Variants in PIK3C2G observed in about 807,000 individuals in gnomAD.
PIK3C2G encodes the protein phosphatidylinositol-4-phosphate 3-kinase catalytic subunit type 2 gamma, also known as phosphatidylinositol 3-kinase C2 domain-containing subunit gamma.
A neutral mutation model predicts 181.1 loss-of-function variants in PIK3C2G; 168 were observed. The observed-to-expected ratio is 0.93, with a 90% confidence interval of 0.82 to 1.05. The LOEUF (loss-of-function observed/expected upper bound fraction) is 1.05, where lower values mean the gene tolerates loss of function less well. Among genes scored for constraint, PIK3C2G ranks in the 50% least tolerant of loss-of-function variants. The probability of loss-of-function intolerance (pLI) is 0.00; values close to 1 mark genes in which losing one functional copy is unlikely to be tolerated. For missense variants in PIK3C2G, 1,869 were observed against 1,732.8 expected (o/e 1.08, Z -1.40); for synonymous variants, 573 against 592.2 (o/e 0.97, Z 0.47).
rs149031859 is a variant in PIK3C2G, at chr12:18,531,913, A to G, written c.3324-6243A>G. 5.5e-3 allele frequency among the ~76,000 whole-genome samples: 843 copies of G among 152,228 alleles called. 3 individuals are homozygous for G. Among genetic ancestry groups the G allele is most frequent in the African/African-American group, 0.02 (819 of 41,564 alleles). On this transcript the variant is annotated intron_variant, in intron 24 of 32. Coordinates refer to ENST00000538779, the MANE Select transcript of PIK3C2G (RefSeq NM_001288772.2). ...TCCAAAAGTATAATTTCTGGGTTGTATGGTAGTTGTATCTTGTTGTTGTTT... is the reference window on the plus strand; with the variant it reads ...TCCAAAAGTATAATTTCTGGGTTGTGTGGTAGTTGTATCTTGTTGTTGTTT...
intron 18 of PIK3C2G, among the ~76,000 whole-genome samples, chr12:18,437,484 A>G (rs1946511044): frequency 6.6e-6 from 1 of 152,002 alleles, no homozygotes; most frequent in Non-Finnish European, 1.5e-5. Context: ...GTGACTCTTT[A>G]GACTTGACAG....
downstream of PIK3C2G, among the ~76,000 whole-genome samples, chr12:18,650,878 CATCCTTGGCCT>C (rs2136891245): frequency 6.6e-6 from 1 of 151,400 alleles, no homozygotes; most frequent in East Asian, 2.0e-4. Flanking sequence ...TTACTGCTAT[CATCCTTGGCCT>C]GGATTATATA....
upstream of PIK3C2G, among the ~76,000 whole-genome samples, chr12:18,244,643 C>T (rs1365310392): frequency 7.8e-6 from 1 of 128,940 alleles, no homozygotes; most frequent in Non-Finnish European, 1.7e-5. Flanking sequence ...AATTTCCAGC[C>T]ATTATTTAAT....
At chr12:18,456,430 T>C (rs1239580754) in intron 18 of PIK3C2G, among the ~76,000 whole-genome samples, 2 of 152,086 alleles carry the variant, frequency 1.3e-5, no homozygotes, top group African/African-American at 2.4e-5. Context: ...GGTCTTCCAG[T>C]TTCATGGTGA....
chr12:18,549,806 G>A (rs905960072), intron 26 of PIK3C2G, among the ~76,000 whole-genome samples: 1 of 151,950 alleles, frequency 6.6e-6, no homozygotes, highest in Non-Finnish European at 1.5e-5. Flanking sequence ...TGGATATTTG[G>A]TTCCAGATCT....
the PIK3C2G span, among the ~76,000 whole-genome samples, chr12:18,680,944 G>A: frequency 6.6e-6 from 1 of 152,010 alleles, no homozygotes; most frequent in African/African-American, 2.4e-5. Flanking sequence ...GCGATACTTG[G>A]TAATAAATTA....
At chr12:18,693,467 G>C in the PIK3C2G span, 4 of 1,606,898 alleles carry the variant, frequency 2.5e-6, no homozygotes, top group Admixed American at 3.3e-5. Flanking sequence ...ACCTGGCACA[G>C]GTAAAACCTT....
chr12:18,576,534 A>G (rs1453315980), intron 29 of PIK3C2G, among the ~76,000 whole-genome samples: 1 of 152,254 alleles, frequency 6.6e-6, no homozygotes, highest in Non-Finnish European at 1.5e-5. Flanking sequence ...TAATAATATT[A>G]GTAGTAGGAG....
At chr12:18,576,437 T>C (rs1170355312) in intron 29 of PIK3C2G, among the ~76,000 whole-genome samples, 2 of 152,180 alleles carry the variant, frequency 1.3e-5, no homozygotes, top group Non-Finnish European at 2.9e-5. Context: ...ACATTTGTAA[T>C]GTATCTGTTA....
At chr12:18,650,831 A>G (rs1339253510), downstream of PIK3C2G, among the ~76,000 whole-genome samples, 4 of 147,594 alleles carry the variant, frequency 2.7e-5, no homozygotes, top group African/African-American at 9.9e-5. Flanking sequence ...ATCACCAACC[A>G]CTTATCACTC....
chr12:18,614,533 G>A (rs991667293), intron 31 of PIK3C2G, among the ~76,000 whole-genome samples: 3 of 151,970 alleles, frequency 2.0e-5, no homozygotes. Context: ...TAAACTACTT[G>A]GACAGCACTA....
intron 31 of PIK3C2G, among the ~76,000 whole-genome samples, chr12:18,637,187 G>T (rs1949640961): frequency 6.6e-6 from 1 of 152,092 alleles, no homozygotes; most frequent in African/African-American, 2.4e-5. Context: ...CTAGTGCACA[G>T]TTTTCCTCGT....
At chr12:18,426,040 A>T (rs137938711) in intron 18 of PIK3C2G, among the ~76,000 whole-genome samples, 1 of 152,326 alleles carries the variant, frequency 6.6e-6, no homozygotes, top group African/African-American at 2.4e-5. Context: ...CATCACTACA[A>T]CCTTGAATTT....
rs1266351862 is a variant in PIK3C2G, at chr12:18,321,171, C to T, written c.1208+139C>T. 3 of 563,126 alleles carry T rather than the reference C, an allele frequency of 5.3e-6. No homozygotes were observed. The African/African-American group carries it at 5.8e-5, about 11-fold the overall frequency. 34.9% of individuals were successfully genotyped at this position (563,126 alleles called of 1,614,324 possible). A position where few individuals can be genotyped will look rare whatever the true frequency, so the allele number is the denominator to read the frequency against. The stretch of plus-strand genomic sequence containing the variant: ...CTATTGTACTTTTAACAGGCAAATT[C>T]TGTTAATAATTATCCATTCTTCAAA... On this transcript the variant is annotated intron_variant, in intron 7 of 32. Transcript: ENST00000538779.
chr12:18,270,625 TTTACTC>T (rs925414821), intron 1 of PIK3C2G, among the ~76,000 whole-genome samples: 1 of 152,152 alleles, frequency 6.6e-6, no homozygotes, highest in Admixed American at 6.5e-5. Context: ...GATTTATAGT[TTTACTC>T]TAATTCTAGA....
rs1944743339 is a variant in PIK3C2G, at chr12:18,551,790, A to G, written c.3590+5358A>G. On this transcript the variant is annotated intron_variant, in intron 26 of 32. Coordinates refer to ENST00000538779, the MANE Select transcript of PIK3C2G (RefSeq NM_001288772.2). ...AACCAATAGGGCTTGGCTAGTTTCT[A>G]GTGGAAACACACAGGCCTTCTACTC... Among the ~76,000 whole-genome samples, 3 of 152,146 alleles carry G rather than the reference A, an allele frequency of 2.0e-5. No homozygotes were observed. The South Asian group carries it at 6.2e-4, about 32-fold the overall frequency.
intron 2 of PIK3C2G, among the ~76,000 whole-genome samples, chr12:18,285,559 T>C (rs1262053984): frequency 2.0e-5 from 3 of 151,978 alleles, no homozygotes; most frequent in Non-Finnish European, 4.4e-5. Flanking sequence ...AATAATAACA[T>C]AATGGGTGGA....
the PIK3C2G span, chr12:18,701,370 A>G: frequency 2.0e-6 from 3 of 1,476,836 alleles, no homozygotes; most frequent in Non-Finnish European, 2.7e-6. Context: ...TTCAAAGTAA[A>G]TTGTAAATGA....
the PIK3C2G span, among the ~76,000 whole-genome samples, chr12:18,717,366 T>C: frequency 6.6e-6 from 1 of 152,178 alleles, no homozygotes; most frequent in Non-Finnish European, 1.5e-5. Flanking sequence ...TTACTTAGAT[T>C]TGAAATTAGA....
Sources: allele counts gnomAD v4.1 joint callset (sites outside exome capture counted in the v4.1 genomes callset), GRCh38; gene constraint gnomAD v4.1.1; transcripts MANE v1.5; gene names NCBI Gene and HGNC (gene_info 2026-07-23, HGNC 2026-07-21).